The following NTM variants were observed in gnomAD, a reference collection of about 807,000 sequenced individuals.
NTM encodes the protein IgLON family member 2.
Under a neutral mutation model 42.1 loss-of-function variants are expected in NTM, and 13 were observed. That is an observed-to-expected ratio of 0.31 (90% CI 0.20 to 0.49). The LOEUF is 0.49. Among genes scored for constraint, NTM ranks in the 20% least tolerant of loss-of-function variants. The probability of loss-of-function intolerance (pLI) is 0.99; values close to 1 mark genes in which losing one functional copy is unlikely to be tolerated. For synonymous variants in NTM, 187 were observed against 179.2 expected (o/e 1.04, Z -0.35); for missense variants, 373 against 452.8 (o/e 0.82, Z 1.60).
chr11:132,271,963 A>T (rs1215057773), intron 4 of NTM, among the ~76,000 whole-genome samples: 1 of 152,066 alleles, frequency 6.6e-6, no homozygotes, highest in Admixed American at 6.6e-5. Context: ...TCCATAGGAA[A>T]CCATTCCAAG....
chr11:132,332,075 T>C (rs2095810638), intron 8 of NTM, among the ~76,000 whole-genome samples: 1 of 152,176 alleles, frequency 6.6e-6, no homozygotes, highest in African/African-American at 2.4e-5. Context: ...AAACATCACC[T>C]TGGAATTCGC....
At chr11:131,586,349 G>A (rs943574810) in intron 1 of NTM, among the ~76,000 whole-genome samples, 4 of 152,152 alleles carry the variant, frequency 2.6e-5, no homozygotes, top group African/African-American at 4.8e-5. Context: ...GAATACAGCC[G>A]TAGTGATGGG....
rs151325602 is a variant in NTM, at chr11:131,775,917, A to T, written c.83-135647A>T. Among the ~76,000 whole-genome samples, 7 of 152,328 alleles carry T rather than the reference A, an allele frequency of 4.6e-5. No individual in the cohort carries two copies. In the East Asian group the frequency reaches 1.2e-3, roughly 25 times the overall value. Reference sequence around the variant, plus strand: ...AGTGACTATTTGGGATAGTGCATTTATTAGGGCAGACTAAGTGCTTTGACA... The same window carrying T: ...AGTGACTATTTGGGATAGTGCATTTTTTAGGGCAGACTAAGTGCTTTGACA... On this transcript the variant is annotated intron_variant, in intron 1 of 8. Coordinates refer to ENST00000683400, the MANE Select transcript of NTM (RefSeq NM_001352005.2).
chr11:131,842,589 C>G (rs2044394010), intron 1 of NTM, among the ~76,000 whole-genome samples: 1 of 152,014 alleles, frequency 6.6e-6, no homozygotes. Context: ...GCATCCAGGA[C>G]AAAAAAATCT....
At chr11:131,485,850 C>G (rs965291751) in intron 1 of NTM, among the ~76,000 whole-genome samples, 1 of 152,088 alleles carries the variant, frequency 6.6e-6, no homozygotes, top group African/African-American at 2.4e-5. Context: ...AAGGACATGA[C>G]TGTGAGGAAG....
At chr11:132,032,534 A>T (rs896584654) in intron 2 of NTM, among the ~76,000 whole-genome samples, 2 of 152,134 alleles carry the variant, frequency 1.3e-5, no homozygotes, top group African/African-American at 4.8e-5. Flanking sequence ...AAAATGAAAC[A>T]TCCTCTGGTG....
chr11:131,882,289 C>T (rs2049662066), intron 1 of NTM, among the ~76,000 whole-genome samples: 1 of 152,132 alleles, frequency 6.6e-6, no homozygotes, highest in Admixed American at 6.5e-5. Context: ...GATGGGCCAA[C>T]GGGGAAGAGC....
chr11:131,883,624 C>T (rs1024426992), intron 1 of NTM, among the ~76,000 whole-genome samples: 2 of 152,158 alleles, frequency 1.3e-5, no homozygotes, highest in Non-Finnish European at 2.9e-5. Flanking sequence ...GGCTCAGACT[C>T]AGTTGGTTTG....
chr11:131,633,523 GTCTCTC>G (rs951697594), intron 1 of NTM, among the ~76,000 whole-genome samples: 1 of 148,460 alleles, frequency 6.7e-6, no homozygotes, highest in Non-Finnish European at 1.5e-5. Context: ...TCAGGGTTCT[GTCTCTC>G]TCTCTCTCTC....
At chr11:132,156,579 A>G (rs548828874) in intron 3 of NTM, among the ~76,000 whole-genome samples, 2 of 152,238 alleles carry the variant, frequency 1.3e-5, no homozygotes, top group Non-Finnish European at 1.5e-5. Context: ...ATGCTTGTGC[A>G]TTCTATCCCC....
intron 3 of NTM, among the ~76,000 whole-genome samples, chr11:132,210,474 AG>A (rs1267582354): frequency 6.6e-6 from 1 of 152,208 alleles, no homozygotes; most frequent in African/African-American, 2.4e-5. Flanking sequence ...CACATTGTTC[AG>A]GTCATCAGAA....
chr11:131,766,620 C>T (rs1591693514), intron 1 of NTM, among the ~76,000 whole-genome samples: 1 of 152,132 alleles, frequency 6.6e-6, no homozygotes, highest in Admixed American at 6.5e-5. Flanking sequence ...AATTATCAAC[C>T]GCAGAACTCA....
intron 7 of NTM, 155 bp downstream of exon 7, chr11:132,314,858 G>A: frequency 7.2e-7 from 1 of 1,384,956 alleles, no homozygotes; most frequent in South Asian, 1.9e-5. Context: ...AGAAAGAAAT[G>A]GAGAGAGAGG....
chr11:131,471,042 A>G (rs957440824), intron 1 of NTM, among the ~76,000 whole-genome samples: 17 of 152,162 alleles, frequency 1.1e-4, no homozygotes, highest in African/African-American at 3.4e-4. Flanking sequence ...GCAGCCTAAC[A>G]TCAAGCTGGG....
chr11:131,802,663 T>C (rs1470101185), intron 1 of NTM, among the ~76,000 whole-genome samples: 1 of 152,182 alleles, frequency 6.6e-6, no homozygotes, highest in Non-Finnish European at 1.5e-5. Flanking sequence ...CAATGGTCGG[T>C]ATGTGTGGGG....
chr11:131,854,694 T>C (rs1325719861), intron 1 of NTM, among the ~76,000 whole-genome samples: 1 of 152,148 alleles, frequency 6.6e-6, no homozygotes, highest in Non-Finnish European at 1.5e-5. Flanking sequence ...GATTTTGTTT[T>C]AAGAGCAATG....
At chr11:131,868,463 C>T (rs2047443700) in intron 1 of NTM, among the ~76,000 whole-genome samples, 1 of 152,198 alleles carries the variant, frequency 6.6e-6, no homozygotes, top group Non-Finnish European at 1.5e-5. Flanking sequence ...CAGCCCAGCT[C>T]TGATTGTGTC....
At chr11:131,734,947 A>T (rs1466010270) in intron 1 of NTM, among the ~76,000 whole-genome samples, 1 of 152,204 alleles carries the variant, frequency 6.6e-6, no homozygotes, top group Non-Finnish European at 1.5e-5. Flanking sequence ...GAGGAAACAT[A>T]ACCAAGGGGC....
chr11:132,007,175 G>A (rs374700794), intron 2 of NTM, among the ~76,000 whole-genome samples: 48 of 152,292 alleles, frequency 3.2e-4, no homozygotes, highest in East Asian at 1.2e-3. Context: ...TGACGATTTC[G>A]GCATAACCTA....
Sources: allele counts gnomAD v4.1 joint callset (sites outside exome capture counted in the v4.1 genomes callset), GRCh38; gene constraint gnomAD v4.1.1; transcripts MANE v1.5; gene names NCBI Gene and HGNC (gene_info 2026-07-23, HGNC 2026-07-21).